ATM: variants seen among roughly 807,000 people sequenced by gnomAD.
The protein encoded by ATM is ATM serine/threonine kinase.
A neutral mutation model predicts 387.0 loss-of-function variants in ATM; 308 were observed. The ratio of observed to expected loss-of-function variants is 0.80; its 90% CI spans 0.73 to 0.87. The LOEUF is 0.87. ATM is among the 40% of genes least tolerant of loss of function. ATM has a pLI of 0.00. For missense variants in ATM, 3,312 were observed against 3,560.9 expected (o/e 0.93, Z 1.78); for synonymous variants, 1,156 against 1,187.3 (o/e 0.97, Z 0.54).
At chr11:108,327,891 T>A in intron 48 of ATM, 133 bp downstream of exon 48, 1 of 781,970 alleles carries the variant, frequency 1.3e-6, no homozygotes, top group East Asian at 2.8e-5. Context: ...CTGTTGTAGC[T>A]CTGTATAGTC....
intron 26 of ATM, 54 bp from the exon 27 acceptor site, chr11:108,287,546 T>C: frequency 1.7e-6 from 2 of 1,202,438 alleles, no homozygotes; most frequent in Admixed American, 1.9e-5. Context: ...TTGAGCTGTC[T>C]TGACGTTCAC....
intron 30 of ATM, 137 bp from the exon 31 acceptor site, chr11:108,293,176 C>A: frequency 1.6e-6 from 1 of 628,022 alleles, no homozygotes; most frequent in Non-Finnish European, 2.6e-6. Flanking sequence ...AAACTAAAAG[C>A]TGGGTATCTT....
At chr11:108,261,057 G>C (rs911582440) in intron 16 of ATM, among the ~76,000 whole-genome samples, 10 of 145,878 alleles carry the variant, frequency 6.9e-5, no homozygotes, top group African/African-American at 2.8e-4. Flanking sequence ...AGCGAGGCTG[G>C]GGGAGGGATG....
intron 12 of ATM, among the ~76,000 whole-genome samples, chr11:108,253,340 A>C (rs2080259225): frequency 6.6e-6 from 1 of 152,164 alleles, no homozygotes. Context: ...CAAGAGACTT[A>C]GATTGTATTG....
intron 61 of ATM, 112 bp downstream of exon 61, chr11:108,354,986 G>A (rs947170280): frequency 1.1e-6 from 1 of 925,406 alleles, no homozygotes; most frequent in Non-Finnish European, 1.7e-6. Flanking sequence ...ATAGGGGGAT[G>A]TGGCTGGGCA....
intron 4 of ATM, among the ~76,000 whole-genome samples, chr11:108,234,099 T>C (rs2135103002): frequency 6.6e-6 from 1 of 152,292 alleles, no homozygotes; most frequent in East Asian, 1.9e-4. Flanking sequence ...ATGGATGTTT[T>C]AGATTAGAAA....
chr11:108,340,381 G>A (rs2087400411), intron 56 of ATM: 1 of 100,804 alleles, frequency 9.9e-6, no homozygotes, highest in Non-Finnish European at 2.2e-5. Context: ...GATAATGTCT[G>A]TTTTAAAAAA....
intron 47 of ATM, among the ~76,000 whole-genome samples, chr11:108,326,466 G>A (rs1283225885): frequency 1.1e-4 from 16 of 151,840 alleles, no homozygotes; most frequent in Admixed American, 9.8e-4. Context: ...CCAGTATTAA[G>A]CCTTTAACTT....
intron 3 of ATM, among the ~76,000 whole-genome samples, chr11:108,228,423 G>A (rs1022412405): frequency 3.4e-4 from 51 of 152,164 alleles, no homozygotes; most frequent in African/African-American, 1.1e-3. Flanking sequence ...ATTTTCAACC[G>A]TGAAATCCAT....
At position 108,331,330 on chromosome 11, in the gene ATM, T is replaced by A; in HGVS notation, c.7516-114T>A. The A allele has an allele frequency of 5.4e-6, 8 of 1,470,554 alleles. No individual in the cohort carries two copies. The South Asian group carries it at 1.1e-4, about 20-fold the overall frequency. The allele number at this position is 1,470,554 out of a possible 1,614,324, so 91.1% of individuals were successfully genotyped here. ...GAAAACAATATAGTTAGTGAAGTTTTGTTAACCACTTGTGCTAATAGAGGA... is the reference window on the plus strand; with the variant it reads ...GAAAACAATATAGTTAGTGAAGTTTAGTTAACCACTTGTGCTAATAGAGGA... On this transcript the variant is annotated intron_variant, in intron 50 of 62. Coordinates refer to ENST00000675843, the MANE Select transcript of ATM (RefSeq NM_000051.4).
chr11:108,281,215 G>A (rs1192151365), intron 24 of ATM, 47 bp downstream of exon 24: 1 of 1,583,832 alleles, frequency 6.3e-7, no homozygotes, highest in East Asian at 2.2e-5. Context: ...AGGTCACTGT[G>A]AAATAATTTA....
chr11:108,251,239 T>A (rs1195731863), intron 10 of ATM, among the ~76,000 whole-genome samples, 167 bp downstream of exon 10: 5 of 152,248 alleles, frequency 3.3e-5, no homozygotes, highest in Non-Finnish European at 5.9e-5. Context: ...AATGCATAAG[T>A]GAATTTAGTT....
intron 61 of ATM, chr11:108,355,152 T>G (rs577843785): frequency 9.2e-5 from 40 of 435,602 alleles, no homozygotes; most frequent in Non-Finnish European, 1.6e-4. Flanking sequence ...ATTTAGATAT[T>G]CCATATGGTA....
chr11:108,234,441 A>T (rs1006015182), intron 4 of ATM, among the ~76,000 whole-genome samples: 1 of 152,250 alleles, frequency 6.6e-6, no homozygotes, highest in African/African-American at 2.4e-5. Flanking sequence ...AATGATAATT[A>T]AATTATTTTT....
In ATM at chr11:108,368,609, ATCTGGGGT is replaced by A. The variant is rs2091451900; in HGVS notation, c.*3103_*3110del. 1 of 218,384 alleles carries A rather than the reference ATCTGGGGT, an allele frequency of 4.6e-6. No homozygotes were observed. The highest frequency in any genetic ancestry group is 2.2e-5 in the African/African-American group (1 of 44,528). 13.5% of individuals were successfully genotyped at this position (218,384 alleles called of 1,614,324 possible). A position where few individuals can be genotyped will look rare whatever the true frequency, so the allele number is the denominator to read the frequency against. Reference sequence around the variant, plus strand: ...CTTGAAAAGATTTCAGGCGAAAAGAATCTGGGGTTTGCCAGTCAGTTGCTCAAAAGGTC... The same window carrying A: ...CTTGAAAAGATTTCAGGCGAAAAGAATTGCCAGTCAGTTGCTCAAAAGGTC... On this transcript the variant is annotated 3_prime_UTR_variant, in exon 63 of 63. Coordinates refer to ENST00000675843, the MANE Select transcript of ATM (RefSeq NM_000051.4).
At chr11:108,341,058 T>TA (rs1275657276) in intron 56 of ATM, among the ~76,000 whole-genome samples, 1 of 152,076 alleles carries the variant, frequency 6.6e-6, no homozygotes, top group East Asian at 1.9e-4. Flanking sequence ...GAATGACAAT[T>TA]CTCTAAGTTA....
At chr11:108,256,187 T>C in intron 13 of ATM, 28 bp from the exon 14 acceptor site, 1 of 1,526,682 alleles carries the variant, frequency 6.6e-7, no homozygotes. Flanking sequence ...ATGAAATATA[T>C]ATATTTTTAT....
At chr11:108,249,768 A>G (rs1049520379) in intron 9 of ATM, among the ~76,000 whole-genome samples, 6 of 152,228 alleles carry the variant, frequency 3.9e-5, no homozygotes, top group African/African-American at 9.6e-5. Context: ...TTTGATTACC[A>G]TGTTGATGGA....
chr11:108,273,152 G>A (rs1272383590), intron 22 of ATM, among the ~76,000 whole-genome samples: 1 of 151,824 alleles, frequency 6.6e-6, no homozygotes, highest in African/African-American at 2.4e-5. Flanking sequence ...CAGGAGATAC[G>A]GACTGTTTGG....
Sources: gnomAD v4.1 joint callset for allele counts (sites outside exome capture counted in the v4.1 genomes callset) on GRCh38, gnomAD v4.1.1 for gene constraint, MANE v1.5 for transcripts, NCBI Gene and HGNC (gene_info 2026-07-23, HGNC 2026-07-21) for gene names.